Variants in DLC1 observed in about 807,000 individuals in gnomAD.
DLC1 encodes the protein DLC1 Rho GTPase activating protein, also known as rho GTPase-activating protein 7.
In DLC1, 54 loss-of-function variants were observed where a neutral mutation model predicts 140.3. That is an observed-to-expected ratio of 0.38 (90% CI 0.31 to 0.48). DLC1 has a LOEUF of 0.48. DLC1 is among the 20% of genes least tolerant of loss of function. The pLI, the probability that DLC1 is intolerant of heterozygous loss-of-function variation, is 0.96. For missense variants in DLC1, 2,536 were observed against 1,907.0 expected, an observed-to-expected ratio of 1.33 and a Z score of -6.14; for synonymous variants, 986 against 728.1, an observed-to-expected ratio of 1.35 and a Z score of -5.70.
chr8:13,596,783 T>C (rs77679058), intron 1 of DLC1, among the ~76,000 whole-genome samples: 6,233 of 152,144 alleles, frequency 0.041, 416 homozygotes, highest in African/African-American at 0.14. Context: ...TGGGTTGAGC[T>C]AAGAAGTTGG....
chr8:13,437,952 A>G, intron 2 of DLC1, among the ~76,000 whole-genome samples: 1 of 152,120 alleles, frequency 6.6e-6, no homozygotes, highest in East Asian at 1.9e-4. Flanking sequence ...AAAAAAAAAA[A>G]TTGAGAAGGT....
At chr8:13,588,862 G>C (rs1021257241) in intron 1 of DLC1, among the ~76,000 whole-genome samples, 1 of 151,978 alleles carries the variant, frequency 6.6e-6, no homozygotes, top group Admixed American at 6.6e-5. Flanking sequence ...CTTTTGTTTT[G>C]TAACAAAGCT....
intron 1 of DLC1, among the ~76,000 whole-genome samples, chr8:13,543,031 A>C (rs1205843238): frequency 1.3e-5 from 2 of 152,092 alleles, no homozygotes; most frequent in Non-Finnish European, 2.9e-5. Flanking sequence ...TCTAATTATA[A>C]ACTAGCTTTG....
chr8:13,156,222 C>T (rs1326728290), intron 5 of DLC1, among the ~76,000 whole-genome samples: 4 of 152,116 alleles, frequency 2.6e-5, no homozygotes, highest in African/African-American at 7.2e-5. Context: ...ACTGTTTCAA[C>T]CCTTACTCCA....
chr8:13,320,213 A>G (rs1388531753), intron 4 of DLC1, among the ~76,000 whole-genome samples: 3 of 152,204 alleles, frequency 2.0e-5, no homozygotes, highest in Non-Finnish European at 4.4e-5. Flanking sequence ...AATTTCAAAT[A>G]TGAACACTAG....
intron 5 of DLC1, among the ~76,000 whole-genome samples, chr8:13,150,391 T>A (rs1823717625): frequency 6.6e-6 from 1 of 152,204 alleles, no homozygotes; most frequent in Non-Finnish European, 1.5e-5. Flanking sequence ...AATAAGGGTT[T>A]CATTGTCTCT....
At chr8:13,561,359 A>C (rs1459260862) in intron 1 of DLC1, among the ~76,000 whole-genome samples, 2 of 152,062 alleles carry the variant, frequency 1.3e-5, no homozygotes, top group African/African-American at 2.4e-5. Context: ...TGTAGAAACA[A>C]GTTTGGGAAG....
At chr8:13,371,782 T>C (rs1835742161) in intron 4 of DLC1, among the ~76,000 whole-genome samples, 1 of 152,162 alleles carries the variant, frequency 6.6e-6, no homozygotes, top group Non-Finnish European at 1.5e-5. Flanking sequence ...GTTTCCTGTT[T>C]AACTGTGAGC....
intron 5 of DLC1, among the ~76,000 whole-genome samples, chr8:13,135,318 C>A (rs1822481198): frequency 6.6e-6 from 1 of 150,646 alleles, no homozygotes; most frequent in South Asian, 2.1e-4. Flanking sequence ...GTAGCTGGGA[C>A]TACAGGTGCC....
chr8:13,466,596 G>T (rs1799952335), intron 2 of DLC1, among the ~76,000 whole-genome samples: 3 of 152,156 alleles, frequency 2.0e-5, no homozygotes, highest in Admixed American at 2.0e-4. Flanking sequence ...GTATCCCATG[G>T]AGGCACCTTG....
At chr8:13,165,390 G>T (rs1410225658) in intron 5 of DLC1, among the ~76,000 whole-genome samples, 2 of 152,190 alleles carry the variant, frequency 1.3e-5, no homozygotes, top group African/African-American at 2.4e-5. Context: ...ACACGGAAAG[G>T]GTAGCTGGTA....
intron 2 of DLC1, among the ~76,000 whole-genome samples, chr8:13,402,776 T>A (rs17217551): frequency 0.13 from 19,847 of 152,282 alleles, 1,627 homozygotes; most frequent in Non-Finnish European, 0.19. Flanking sequence ...TTCATTTTTT[T>A]AATTTTTTGC....
At chr8:13,159,301 G>T (rs1747114471) in intron 5 of DLC1, among the ~76,000 whole-genome samples, 1 of 152,198 alleles carries the variant, frequency 6.6e-6, no homozygotes, top group South Asian at 2.1e-4. Flanking sequence ...CACACGGGAT[G>T]CCAAGCGGGC....
intron 2 of DLC1, among the ~76,000 whole-genome samples, chr8:13,403,833 A>AT (rs796174377): frequency 1.8e-4 from 13 of 73,132 alleles, no homozygotes; most frequent in Non-Finnish European, 2.5e-4. Flanking sequence ...TTTTTTTGGT[A>AT]TTTTTTGTAG....
chr8:13,496,546 G>C (rs1414298918), intron 2 of DLC1, among the ~76,000 whole-genome samples: 6 of 150,814 alleles, frequency 4.0e-5, no homozygotes, highest in Non-Finnish European at 7.4e-5. Context: ...ATACAGAGAG[G>C]TTTATATTAC....
intron 12 of DLC1, among the ~76,000 whole-genome samples, chr8:13,093,174 A>G (rs772342998): frequency 6.6e-6 from 1 of 152,084 alleles, no homozygotes; most frequent in Non-Finnish European, 1.5e-5. Flanking sequence ...TAATTTATCA[A>G]TCTCAATTAC....
At chr8:13,366,539 C>T (rs980231041) in intron 4 of DLC1, among the ~76,000 whole-genome samples, 2 of 152,182 alleles carry the variant, frequency 1.3e-5, no homozygotes, top group African/African-American at 4.8e-5. Context: ...AACAGAAAAG[C>T]TGGGGAAAGA....
intron 7 of DLC1, among the ~76,000 whole-genome samples, chr8:13,109,666 C>T (rs1442455322): frequency 2.0e-5 from 3 of 150,774 alleles, no homozygotes; most frequent in Non-Finnish European, 4.4e-5. Context: ...GGGTGGATCA[C>T]CTGAGGTTAG....
chr8:13,179,247 G>C (rs1479940803), intron 5 of DLC1, among the ~76,000 whole-genome samples: 1 of 151,930 alleles, frequency 6.6e-6, no homozygotes, highest in Non-Finnish European at 1.5e-5. Flanking sequence ...GCCTTGGTGG[G>C]AGGTAGTGGT....
Sources: allele counts gnomAD v4.1 joint callset (sites outside exome capture counted in the v4.1 genomes callset), GRCh38; gene constraint gnomAD v4.1.1; transcripts MANE v1.5; gene names NCBI Gene and HGNC (gene_info 2026-07-23, HGNC 2026-07-21).